The following SGCZ variants were observed in gnomAD, a reference collection of about 807,000 sequenced individuals.
SGCZ encodes zeta-sarcoglycan.
In SGCZ, 40 loss-of-function variants were observed where a neutral mutation model predicts 41.3. That is an observed-to-expected ratio of 0.97 (90% CI 0.75 to 1.26). The LOEUF (loss-of-function observed/expected upper bound fraction) is 1.26. SGCZ is among the 50% of genes most tolerant of loss of function. The pLI is 0.00. For synonymous variants in SGCZ, 206 were observed against 137.5 expected, an observed-to-expected ratio of 1.50 and a Z score of -3.49; for missense variants, 552 against 369.8, an observed-to-expected ratio of 1.49 and a Z score of -4.04.
At chr8:14,746,349 T>C (rs1799340375) in intron 1 of SGCZ, among the ~76,000 whole-genome samples, 1 of 151,734 alleles carries the variant, frequency 6.6e-6, no homozygotes, top group African/African-American at 2.4e-5. Context: ...ATAATATGAA[T>C]AAAATCAGAA....
chr8:14,304,337 T>C (rs574210061), intron 3 of SGCZ, among the ~76,000 whole-genome samples: 20 of 152,096 alleles, frequency 1.3e-4, no homozygotes, highest in African/African-American at 4.6e-4. Flanking sequence ...TGCACACCTG[T>C]AATACCATCA....
chr8:14,458,947 A>G (rs752042204), intron 2 of SGCZ, among the ~76,000 whole-genome samples: 3 of 152,204 alleles, frequency 2.0e-5, no homozygotes, highest in Admixed American at 1.3e-4. Flanking sequence ...TAAGGTTCAT[A>G]AAAGGTAAGG....
chr8:15,219,135 A>G (rs1411983150), intron 1 of SGCZ, among the ~76,000 whole-genome samples: 2 of 152,194 alleles, frequency 1.3e-5, no homozygotes, highest in Non-Finnish European at 2.9e-5. Context: ...CTTTTTTACA[A>G]GATACTTGGC....
rs181516791 is a variant in SGCZ, at chr8:14,395,869, G to C, written c.235-71665C>G. Among the ~76,000 whole-genome samples the C allele has an allele frequency of 1.7e-4, 25 of 145,348 alleles. 1 individual carries two copies. The highest frequency in any genetic ancestry group is 1.4e-3 in the Admixed American group (21 of 14,926). On this transcript the variant is annotated intron_variant, in intron 2 of 7. Coordinates refer to ENST00000382080, the MANE Select transcript of SGCZ (RefSeq NM_139167.4). ...AATACATGTGGAATCACTACTTAAAGTTACTGCAAAAAGTATCTGTTCGCT... is the reference window on the plus strand; with the variant it reads ...AATACATGTGGAATCACTACTTAAACTTACTGCAAAAAGTATCTGTTCGCT...
chr8:15,143,265 T>C (rs1050471010), intron 1 of SGCZ, among the ~76,000 whole-genome samples: 1 of 152,210 alleles, frequency 6.6e-6, no homozygotes, highest in East Asian at 1.9e-4. Context: ...GAGAGGAACC[T>C]TATATATCGG....
intron 7 of SGCZ, among the ~76,000 whole-genome samples, chr8:14,095,808 A>T (rs1801825804): frequency 6.6e-6 from 1 of 152,112 alleles, no homozygotes; most frequent in Non-Finnish European, 1.5e-5. Context: ...CTCCTTGAAG[A>T]GGTGCTTCAC....
chr8:14,345,446 T>C (rs1427500294), intron 2 of SGCZ, among the ~76,000 whole-genome samples: 1 of 152,138 alleles, frequency 6.6e-6, no homozygotes, highest in Non-Finnish European at 1.5e-5. Flanking sequence ...AATGTGTGAA[T>C]GTTTCTTACA....
intron 2 of SGCZ, among the ~76,000 whole-genome samples, chr8:14,355,998 G>T (rs984408662): frequency 2.0e-5 from 3 of 152,046 alleles, no homozygotes; most frequent in Non-Finnish European, 2.9e-5. Flanking sequence ...TTCCAATTTT[G>T]CATTATTTTC....
chr8:14,698,473 C>A (rs1486359871), intron 1 of SGCZ, among the ~76,000 whole-genome samples: 2 of 151,786 alleles, frequency 1.3e-5, no homozygotes, highest in African/African-American at 4.8e-5. Context: ...TTAAAGATCA[C>A]ATTATAAAAG....
At position 14,688,531 on chromosome 8, in the gene SGCZ, T is replaced by C. The variant is rs541500041; in HGVS notation, c.40-133605A>G. Among the ~76,000 whole-genome samples, 392 of 152,262 alleles carry C rather than the reference T, an allele frequency of 2.6e-3. 1 individual carries two copies. The highest frequency in any genetic ancestry group is 7.9e-3 in the African/African-American group (330 of 41,560). ...GATATGCAGCATTATTTCTGAGGGC[T>C]CTGTTCTGTTCCACTGATCTATATC... On this transcript the variant is annotated intron_variant, in intron 1 of 7. Coordinates refer to ENST00000382080, the MANE Select transcript of SGCZ (RefSeq NM_139167.4).
chr8:15,190,909 G>A (rs956439216), intron 1 of SGCZ, among the ~76,000 whole-genome samples: 4 of 152,014 alleles, frequency 2.6e-5, no homozygotes, highest in African/African-American at 9.7e-5. Context: ...GTTCTTCTGA[G>A]TTTTAAGTGA....
chr8:14,194,897 T>G (rs1191386913), intron 4 of SGCZ, among the ~76,000 whole-genome samples: 2 of 152,040 alleles, frequency 1.3e-5, no homozygotes, highest in Non-Finnish European at 2.9e-5. Flanking sequence ...GAGGAATGAT[T>G]AGCTTTACAC....
At chr8:15,033,938 T>C (rs1803779758) in intron 1 of SGCZ, among the ~76,000 whole-genome samples, 1 of 152,144 alleles carries the variant, frequency 6.6e-6, no homozygotes, top group South Asian at 2.1e-4. Flanking sequence ...CCTCAGAATC[T>C]CTGCATGGGC....
intron 2 of SGCZ, among the ~76,000 whole-genome samples, chr8:14,380,117 G>A (rs947739318): frequency 6.6e-6 from 1 of 152,102 alleles, no homozygotes; most frequent in Non-Finnish European, 1.5e-5. Flanking sequence ...CTGTAAGCCA[G>A]TCATATTATT....
chr8:14,748,665 A>G (rs1156522056), intron 1 of SGCZ, among the ~76,000 whole-genome samples: 1 of 152,216 alleles, frequency 6.6e-6, no homozygotes, highest in Admixed American at 6.5e-5. Flanking sequence ...TGATTTCTTC[A>G]TAGATGAATC....
chr8:14,336,571 T>A (rs1802514321), intron 2 of SGCZ, among the ~76,000 whole-genome samples: 1 of 152,164 alleles, frequency 6.6e-6, no homozygotes, highest in Non-Finnish European at 1.5e-5. Context: ...GTATAAGCAT[T>A]CTCTTTTCTT....
At chr8:14,180,892 G>A (rs965115205) in intron 4 of SGCZ, among the ~76,000 whole-genome samples, 3 of 151,720 alleles carry the variant, frequency 2.0e-5, no homozygotes, top group Admixed American at 6.6e-5. Context: ...ACGGCAGTGG[G>A]GAGTGCCATG....
At chr8:14,536,192 T>C (rs1217306938) in intron 2 of SGCZ, among the ~76,000 whole-genome samples, 1 of 151,890 alleles carries the variant, frequency 6.6e-6, no homozygotes. Context: ...TATACTCTAA[T>C]GAAAAGGTAC....
At chr8:14,518,360 A>G (rs1341850811) in intron 2 of SGCZ, among the ~76,000 whole-genome samples, 1 of 152,104 alleles carries the variant, frequency 6.6e-6, no homozygotes, top group Admixed American at 6.6e-5. Flanking sequence ...GTGTGTATAC[A>G]TACACTACAC....
Sources: allele counts gnomAD v4.1 joint callset (sites outside exome capture counted in the v4.1 genomes callset), GRCh38; gene constraint gnomAD v4.1.1; transcripts MANE v1.5; gene names NCBI Gene and HGNC (gene_info 2026-07-23, HGNC 2026-07-21).